The following MYH7B variants were observed in gnomAD, a reference collection of about 807,000 sequenced individuals.
MYH7B encodes the protein myosin heavy chain 7B, also known as myosin-7B.
In MYH7B, 205 loss-of-function variants were observed where a neutral mutation model predicts 234.5. The ratio of observed to expected loss-of-function variants is 0.87; its 90% CI spans 0.78 to 0.98. The LOEUF (loss-of-function observed/expected upper bound fraction) is 0.98. Among genes scored for constraint, MYH7B ranks in the 50% least tolerant of loss-of-function variants. MYH7B has a pLI of 0.00. For synonymous variants in MYH7B, 1,193 were observed against 1,105.0 expected, an observed-to-expected ratio of 1.08 and a Z score of -1.58; for missense variants, 2,652 against 2,633.4, an observed-to-expected ratio of 1.01 and a Z score of -0.15.
At chr20:34,996,657 G>C in exon 30 of MYH7B, 1 of 1,613,424 alleles carries the variant, frequency 6.2e-7, no homozygotes, top group East Asian at 2.2e-5. Context: ...GCATGGACAC[G>C]GAGCGGGCCA....
At chr20:34,983,721 C>G (rs1164259276) in intron 10 of MYH7B, among the ~76,000 whole-genome samples, 1 of 152,204 alleles carries the variant, frequency 6.6e-6, no homozygotes. Flanking sequence ...AGAGAGAGCC[C>G]TGCACAAAAG....
chr20:34,985,997 C>T lies in MYH7B; in HGVS notation c.806-103C>T, dbSNP rs563107070. 7 of 969,390 alleles carry T rather than the reference C, an allele frequency of 7.2e-6. No individual in the cohort carries two copies. The African/African-American group carries it at 1.1e-4, about 16-fold the overall frequency. 60.0% of individuals were successfully genotyped at this position (969,390 alleles called of 1,614,324 possible). On this transcript the variant is annotated intron_variant, in intron 13 of 44. Coordinates refer to ENST00000262873, the Ensembl canonical transcript of MYH7B. ...AAGCTGGCAGGTGCAGATGCAGCCC[C>T]CCTGCACACTCCCTGCCCACCTCTC...
rs1417513271 is a variant in MYH7B, at chr20:35,001,169, C to T, written c.5475+11C>T. The T allele has an allele frequency of 6.2e-7, 1 of 1,610,394 alleles. No homozygotes were observed. The highest frequency in any genetic ancestry group is 8.5e-7 in the Non-Finnish European group (1 of 1,177,440). On this transcript the variant is annotated intron_variant, in intron 41 of 44. Transcript: ENST00000262873. Reference sequence around the variant, plus strand: ...AAGCTGGAGGCCAAGGTGTGTGCAGCCCCTCTAGTCCTTGGCGCAGGCAGG... The same window carrying T: ...AAGCTGGAGGCCAAGGTGTGTGCAGTCCCTCTAGTCCTTGGCGCAGGCAGG...
intron 2 of MYH7B, among the ~76,000 whole-genome samples, chr20:34,965,833 T>G (rs371398190): frequency 6.6e-6 from 1 of 152,254 alleles, no homozygotes; most frequent in East Asian, 1.9e-4. Context: ...GCTGGTTTAG[T>G]TGTAAACTCT....
chr20:34,980,408 T>C, intron 7 of MYH7B, 170 bp from the exon 8 acceptor site: 1 of 625,808 alleles, frequency 1.6e-6, no homozygotes, highest in Non-Finnish European at 2.9e-6. Context: ...AATTAGCCGG[T>C]CGTGGTGGCA....
rs372650401 is a variant in MYH7B at position 34,990,004 on chromosome 20, G to C, written c.1768-10G>C. 3.7e-5 allele frequency: 60 copies of C among 1,613,912 alleles called. 1 individual carries two copies. The Middle Eastern group carries it at 4.9e-4, about 13-fold the overall frequency. Reference sequence around the variant, plus strand: ...CCCACCCGGGCTCAGCACCTGACTTGTCTCTCCAGGTGCCTTACAGCATTG... The same window carrying C: ...CCCACCCGGGCTCAGCACCTGACTTCTCTCTCCAGGTGCCTTACAGCATTG... On this transcript the variant is annotated splice_polypyrimidine_tract_variant and intron_variant, in intron 20 of 44. Transcript: ENST00000262873.
intron 24 of MYH7B, among the ~76,000 whole-genome samples, chr20:34,991,915 G>A (rs552735941): frequency 1.2e-4 from 19 of 152,196 alleles, no homozygotes; most frequent in Non-Finnish European, 2.6e-4. Flanking sequence ...ATCGTCATCC[G>A]TTTTTCTTGG....
At chr20:34,959,212 C>A (rs1270116239) in intron 2 of MYH7B, among the ~76,000 whole-genome samples, 1 of 152,228 alleles carries the variant, frequency 6.6e-6, no homozygotes, top group Non-Finnish European at 1.5e-5. Context: ...CCTTCTCAGG[C>A]TCACTTGGGG....
chr20:34,978,234 G>C (rs2081888429), intron 5 of MYH7B, 138 bp downstream of exon 5: 1 of 973,012 alleles, frequency 1.0e-6, no homozygotes. Flanking sequence ...GACCTTTCCT[G>C]CAGAGTCTGG....
At chr20:34,969,614 G>A (rs780529929) in intron 2 of MYH7B, among the ~76,000 whole-genome samples, 4 of 143,008 alleles carry the variant, frequency 2.8e-5, no homozygotes, top group South Asian at 4.5e-4. Context: ...GCACGATCCC[G>A]GCTCACTGCA....
exon 36 of MYH7B, chr20:34,999,253 G>C: frequency 6.2e-7 from 1 of 1,603,226 alleles, no homozygotes; most frequent in Non-Finnish European, 8.5e-7. Flanking sequence ...CTGGAGGAAC[G>C]GCGGCGGCAG....
At chr20:34,977,760 G>A (rs1200649814) in intron 4 of MYH7B, 80 bp downstream of exon 4, 84 of 1,485,080 alleles carry the variant, frequency 5.7e-5, no homozygotes, top group Non-Finnish European at 7.3e-5. Context: ...ATGGGTGGCC[G>A]CGAGTCTTCT....
rs774405344 is a variant in MYH7B, at chr20:35,002,183, G to C, written c.5821G>C (p.Glu1941Gln). Residue 1941 changes from glutamate (E) to glutamine (Q), a missense_variant, in exon 45 of 45, where the codon GAG becomes CAG. By Grantham distance (29) the Glu-to-Gln change is conservative. Transcript: ENST00000262873. ...GCTATCCCTTTCTCCTCAGCACAAGGAGTGACGGCCTGACCCCCTGGGCTC... is the reference window on the plus strand; with the variant it reads ...GCTATCCCTTTCTCCTCAGCACAAGCAGTGACGGCCTGACCCCCTGGGCTC... The C allele has an allele frequency of 3.2e-6, 5 of 1,550,794 alleles. No homozygotes were observed. The South Asian group carries it at 6.0e-5, about 19-fold the overall frequency.
intron 39 of MYH7B, 32 bp from the exon 40 acceptor site, chr20:35,000,736 C>A: frequency 6.2e-7 from 1 of 1,606,748 alleles, no homozygotes; most frequent in Non-Finnish European, 8.5e-7. Flanking sequence ...GGCCTGCTGG[C>A]TGGCTGGCTC....
chr20:34,977,922 G>A lies in MYH7B; in HGVS notation c.-72-12G>A. 6 of 1,613,096 alleles carry A rather than the reference G, an allele frequency of 3.7e-6. No individual in the cohort carries two copies. Among genetic ancestry groups the A allele is most frequent in the Admixed American group, 1.7e-5 (1 of 60,028 alleles). On this transcript the variant is annotated splice_polypyrimidine_tract_variant and intron_variant, in intron 4 of 44. Coordinates refer to ENST00000262873, the Ensembl canonical transcript of MYH7B. The stretch of plus-strand genomic sequence containing the variant: ...GCCCTAGTTCAGCTCCCTTGTCACT[G>A]CCATCTTCCAGTGCCTGCTGCCTTG...
In MYH7B at chr20:34,999,788, CAG is replaced by C. The variant is rs2082336014; in HGVS notation, c.4666-2_4666-1del. ...CCCTACCCTGCCTGCTCTGTATCCA[CAG>C]GGGGCCCTGGAGCTGGAGGAGACCA... On this transcript the variant is annotated splice_acceptor_variant, in intron 37 of 44. Transcript: ENST00000262873. LOFTEE classifies it high-confidence loss of function. 6.8e-7 allele frequency: 1 copy of C among 1,473,284 alleles called. No homozygotes were observed. The highest frequency in any genetic ancestry group is 9.2e-7 in the Non-Finnish European group (1 of 1,084,914). 91.3% of individuals were successfully genotyped at this position (1,473,284 alleles called of 1,614,324 possible). A position where few individuals can be genotyped will look rare whatever the true frequency, so the allele number is the denominator to read the frequency against.
intron 2 of MYH7B, among the ~76,000 whole-genome samples, chr20:34,973,663 C>A (rs1323299214): frequency 2.0e-5 from 3 of 152,250 alleles, no homozygotes; most frequent in Non-Finnish European, 4.4e-5. Context: ...TTGCATGCAT[C>A]CGCATCCTGC....
chr20:34,962,773 G>A (rs763655212), intron 2 of MYH7B, among the ~76,000 whole-genome samples: 2 of 152,084 alleles, frequency 1.3e-5, no homozygotes, highest in African/African-American at 2.4e-5. Context: ...GACTACAAGC[G>A]AGAGCCACCA....
intron 9 of MYH7B, chr20:34,981,995 C>G (rs2081949067): frequency 6.2e-6 from 1 of 161,672 alleles, no homozygotes; most frequent in Admixed American, 5.9e-5. Flanking sequence ...TGAGACCAGC[C>G]TGAGCAACAT....
Sources: gnomAD v4.1 joint callset for allele counts (sites outside exome capture counted in the v4.1 genomes callset) on GRCh38, gnomAD v4.1.1 for gene constraint, MANE v1.5 for transcripts, NCBI Gene and HGNC (gene_info 2026-07-23, HGNC 2026-07-21) for gene names.